Variants in TNPO1 observed in about 807,000 individuals in gnomAD.
The protein encoded by TNPO1 is transportin 1.
A neutral mutation model predicts 119.5 loss-of-function variants in TNPO1; 8 were observed. That is an observed-to-expected ratio of 0.07 (90% CI 0.04 to 0.12). The LOEUF (loss-of-function observed/expected upper bound fraction) is 0.12. TNPO1 is among the 10% of genes least tolerant of loss of function. TNPO1 has a pLI of 1.00. For missense variants in TNPO1, 576 were observed against 1,089.8 expected, an observed-to-expected ratio of 0.53 and a Z score of 6.64; for synonymous variants, 362 against 363.0, an observed-to-expected ratio of 1.00 and a Z score of 0.03.
chr5:72,848,676 C>T (rs1333195304), intron 2 of TNPO1, among the ~76,000 whole-genome samples, 178 bp downstream of exon 2: 2 of 148,698 alleles, frequency 1.3e-5, no homozygotes, highest in Admixed American at 6.7e-5. Flanking sequence ...GGGCGACTCG[C>T]GCACGCGGCC....
chr5:72,867,226 G>A (rs1452419744), intron 6 of TNPO1, among the ~76,000 whole-genome samples: 1 of 151,346 alleles, frequency 6.6e-6, no homozygotes, highest in Non-Finnish European at 1.5e-5. Context: ...AGATTCTGTT[G>A]TACATACTTT....
intron 9 of TNPO1, among the ~76,000 whole-genome samples, chr5:72,879,420 A>G: frequency 6.6e-6 from 1 of 152,228 alleles, no homozygotes; most frequent in East Asian, 1.9e-4. Flanking sequence ...TAATCCAAAT[A>G]TTCGTAAACC....
intron 6 of TNPO1, among the ~76,000 whole-genome samples, chr5:72,869,349 C>A (rs947187564): frequency 1.6e-4 from 25 of 151,976 alleles, no homozygotes; most frequent in Non-Finnish European, 3.5e-4. Flanking sequence ...GAGTTTGAGA[C>A]CAGCCCGGCC....
chr5:72,838,423 C>T (rs1053244581), intron 1 of TNPO1, among the ~76,000 whole-genome samples: 1 of 152,140 alleles, frequency 6.6e-6, no homozygotes, highest in African/African-American at 2.4e-5. Flanking sequence ...GTATGTCTCA[C>T]TTTATTAATT....
chr5:72,901,335 C>CT (rs1308581171), intron 22 of TNPO1, among the ~76,000 whole-genome samples: 1 of 151,798 alleles, frequency 6.6e-6, no homozygotes, highest in Non-Finnish European at 1.5e-5. Flanking sequence ...GCCATGGCTT[C>CT]TTTCATCCAA....
At chr5:72,824,158 T>C (rs1273496497) in intron 1 of TNPO1, among the ~76,000 whole-genome samples, 1 of 152,200 alleles carries the variant, frequency 6.6e-6, no homozygotes, top group African/African-American at 2.4e-5. Flanking sequence ...TAGGCCCCAT[T>C]CTCTCTCATC....
Position 72,888,170 on chromosome 5 carries a change from A to G in TNPO1, c.1396A>G (p.Thr466Ala), listed in dbSNP as rs746764063. 1.9e-6 allele frequency: 3 copies of G among 1,614,112 alleles called. No individual in the cohort carries two copies. The highest frequency in any genetic ancestry group is 1.1e-5 in the South Asian group (1 of 91,088). ...SDKKALVRSI[T>A]CWTLSRYAHW... ...TAAAAAGGCTCTTGTGCGTTCCATA[A>G]CATGCTGGACTCTTAGCCGCTATGC... Residue 466 changes from threonine (T) to alanine (A), a missense_variant, in exon 13 of 25, where the codon ACA becomes GCA. By Grantham distance (58) the Thr-to-Ala change is moderately conservative (BLOSUM62 0). Around this residue, in one of 6 missense-constraint regions of TNPO1, gnomAD observed 310 missense variants for 583.0 expected, o/e 0.53. Transcript: ENST00000337273.
At chr5:72,887,958 G>C (rs541580769) in intron 12 of TNPO1, 120 bp from the exon 13 acceptor site, 120 of 895,134 alleles carry the variant, frequency 1.3e-4, no homozygotes, top group Non-Finnish European at 2.0e-4. Context: ...GGTTATTGTA[G>C]TATGTGTATA....
chr5:72,834,823 A>G (rs1561296548), intron 1 of TNPO1, among the ~76,000 whole-genome samples: 1 of 152,124 alleles, frequency 6.6e-6, no homozygotes, highest in African/African-American at 2.4e-5. Context: ...AGCTCCATTC[A>G]TGTTAAGTCC....
At chr5:72,863,159 A>G (rs568199278) in intron 5 of TNPO1, among the ~76,000 whole-genome samples, 1 of 152,076 alleles carries the variant, frequency 6.6e-6, no homozygotes, top group South Asian at 2.1e-4. Context: ...CAGGCTTCCA[A>G]TTTGGGTAGA....
rs527740753 is a variant in TNPO1, at chr5:72,875,806, A to C, written c.801+69A>C. The C allele has an allele frequency of 3.8e-5, 57 of 1,516,222 alleles. No homozygotes were observed. In the African/African-American group the frequency reaches 7.3e-4, roughly 19 times the overall value. 93.9% of individuals were successfully genotyped at this position (1,516,222 alleles called of 1,614,324 possible). On this transcript the variant is annotated intron_variant, in intron 8 of 24. Coordinates refer to ENST00000337273, the MANE Select transcript of TNPO1 (RefSeq NM_002270.4). ...AGAGAAATACTAGATAGAAAATACA[A>C]CATACCGGATGGGAAGGGGACTATA...
intron 1 of TNPO1, among the ~76,000 whole-genome samples, chr5:72,832,411 G>A (rs1413226992): frequency 6.6e-6 from 1 of 151,936 alleles, no homozygotes; most frequent in African/African-American, 2.4e-5. Flanking sequence ...TTCTATATTA[G>A]CTTCCCAGAA....
intron 7 of TNPO1, 148 bp from the exon 8 acceptor site, chr5:72,875,467 T>G (rs1747691197): frequency 1.5e-6 from 1 of 670,636 alleles, no homozygotes; most frequent in Non-Finnish European, 2.3e-6. Flanking sequence ...TATTCCACAT[T>G]TAATTCTTGT....
At chr5:72,906,410 G>A (rs563155545) in intron 24 of TNPO1, among the ~76,000 whole-genome samples, 1 of 144,072 alleles carries the variant, frequency 6.9e-6, no homozygotes, top group Admixed American at 7.2e-5. Context: ...TCCTGCCCGA[G>A]CCTCCCAAGT....
intron 6 of TNPO1, among the ~76,000 whole-genome samples, chr5:72,867,396 A>G (rs917446184): frequency 6.6e-6 from 1 of 151,050 alleles, no homozygotes; most frequent in African/African-American, 2.4e-5. Context: ...TTCTCTCTCA[A>G]CGTAACTGTT....
intron 24 of TNPO1, among the ~76,000 whole-genome samples, chr5:72,908,342 G>A (rs963830585): frequency 3.3e-5 from 5 of 152,120 alleles, no homozygotes; most frequent in African/African-American, 9.7e-5. Context: ...AGAAAGTAAG[G>A]CCACTTGTTA....
chr5:72,898,911 C>T (rs1462345644), intron 20 of TNPO1, among the ~76,000 whole-genome samples: 1 of 151,958 alleles, frequency 6.6e-6, no homozygotes, highest in Non-Finnish European at 1.5e-5. Context: ...GAAAGGTTAA[C>T]CTGTAAGTTT....
intron 11 of TNPO1, among the ~76,000 whole-genome samples, chr5:72,886,144 C>T (rs955593842): frequency 2.6e-5 from 4 of 151,640 alleles, no homozygotes; most frequent in African/African-American, 9.8e-5. Flanking sequence ...CTACCCATAA[C>T]AGTTAAATGA....
chr5:72,859,948 A>G (rs1220166135), intron 4 of TNPO1, among the ~76,000 whole-genome samples: 4 of 152,174 alleles, frequency 2.6e-5, no homozygotes, highest in African/African-American at 7.2e-5. Flanking sequence ...AGGAAAGACT[A>G]ATTTGCAGGA....
Sources: gnomAD v4.1 joint callset for allele counts (sites outside exome capture counted in the v4.1 genomes callset) on GRCh38, gnomAD v4.1.1 for gene constraint, gnomAD v4.1.1 regional missense constraint, MANE v1.5 for transcripts, NCBI Gene and HGNC (gene_info 2026-07-23, HGNC 2026-07-21) for gene names.